CHST3: variants seen among roughly 807,000 people sequenced by gnomAD.
CHST3 encodes C6ST-1.
A neutral mutation model predicts 35.4 loss-of-function variants in CHST3; 20 were observed. The observed-to-expected ratio is 0.57, with a 90% CI of 0.40 to 0.82. The LOEUF (loss-of-function observed/expected upper bound fraction) is 0.82. CHST3 is among the 40% of genes least tolerant of loss of function. The pLI is 0.00. For synonymous variants in CHST3, 334 were observed against 295.9 expected (o/e 1.13, Z -1.32); for missense variants, 693 against 670.1 (o/e 1.03, Z -0.38).
At chr10:71,980,836 A>T (rs1233811032) in intron 1 of CHST3, among the ~76,000 whole-genome samples, 2 of 152,226 alleles carry the variant, frequency 1.3e-5, no homozygotes, top group Non-Finnish European at 2.9e-5. Flanking sequence ...ATACTTGAGG[A>T]TGCTGGTCAG....
chr10:71,991,769 C>G (rs1589503240), intron 1 of CHST3, among the ~76,000 whole-genome samples: 1 of 152,010 alleles, frequency 6.6e-6, no homozygotes, highest in South Asian at 2.1e-4. Context: ...CCCGTCACTA[C>G]TAAATATACA....
Position 72,013,260 on chromosome 10 carries a change from T to TA in CHST3, c.*4790dup, listed in dbSNP as rs1202020256. The TA allele has an allele frequency of 1.3e-5, 2 of 152,300 alleles. No homozygotes were observed. Among genetic ancestry groups the TA allele is most frequent in the African/African-American group, 2.4e-5 (1 of 41,474 alleles). The allele number at this position is 152,300 out of a possible 1,614,324, so 9.4% of individuals were successfully genotyped here. A position where few individuals can be genotyped will look rare whatever the true frequency, so the allele number is the denominator to read the frequency against. ...TGGTACGAGACACCCCTTCACGGCA[T>TA]ACACTGCCATGGTATGTACATATGC... is the stretch of plus-strand genomic sequence containing the variant. On this transcript the variant is annotated 3_prime_UTR_variant, in exon 3 of 3. Coordinates refer to ENST00000373115, the MANE Select transcript of CHST3 (RefSeq NM_004273.5).
intron 1 of CHST3, among the ~76,000 whole-genome samples, chr10:71,974,682 C>T (rs1292902905): frequency 6.6e-6 from 1 of 152,174 alleles, no homozygotes. Flanking sequence ...ATCACTGAGT[C>T]TCACTGTCTG....
At position 72,007,925 on chromosome 10, in the gene CHST3, G is replaced by C. The variant is rs1840061916; in HGVS notation, c.894G>C (p.Gln298His). 6.4e-7 allele frequency: 1 copy of C among 1,554,252 alleles called. No individual in the cohort carries two copies. The highest frequency in any genetic ancestry group is 1.4e-5 in the African/African-American group (1 of 73,276). The change falls in exon 3 of 3, where the codon CAG (glutamine) becomes CAC (histidine). Residue 298 changes from glutamine to histidine, a missense_variant. Physicochemically the swap from Gln to His is conservative, Grantham distance 24. Transcript: ENST00000373115. ...CCCGCCTGGACCTGCGCGTCATCCA[G>C]CTGGTGCGCGACCCCCGGGCCGTGC... ...EDPRLDLRVIQLVRDPRAVLA... is the reference protein window; with the variant it reads ...EDPRLDLRVIHLVRDPRAVLA...
rs1317850424 is a variant in CHST3 at position 71,964,418 on chromosome 10, G to A, written c.-384G>A. 6.6e-6 allele frequency: 1 copy of A among 152,318 alleles called. No homozygotes were observed. Among genetic ancestry groups the A allele is most frequent in the Non-Finnish European group, 1.5e-5 (1 of 68,102 alleles). 9.4% of individuals were successfully genotyped at this position (152,318 alleles called of 1,614,324 possible). A position where few individuals can be genotyped will look rare whatever the true frequency, so the allele number is the denominator to read the frequency against. Reference sequence around the variant, plus strand: ...CCGCTAGCCGGCTCGGGCCTGAGCGGGGAGGGCGCCAGGCAGGACCTCTCG... The same window carrying A: ...CCGCTAGCCGGCTCGGGCCTGAGCGAGGAGGGCGCCAGGCAGGACCTCTCG... On this transcript the variant is annotated 5_prime_UTR_variant, in exon 1 of 3. Transcript: ENST00000373115.
rs1839899482 is a variant in CHST3, at chr10:71,991,847, T to C, written c.-107-13889T>C. Among the ~76,000 whole-genome samples, 3 of 151,874 alleles carry C rather than the reference T, an allele frequency of 2.0e-5. No individual in the cohort carries two copies. The East Asian group carries it at 5.8e-4, about 29-fold the overall frequency. ...TACTCGGGAGGCTGAGGCAGGAGAA[T>C]CGCTGGAACCCGGGCGGCAGAGGTT... On this transcript the variant is annotated intron_variant, in intron 1 of 2. Transcript: ENST00000373115.
chr10:71,977,892 T>A (rs1351636668), intron 1 of CHST3, among the ~76,000 whole-genome samples: 1 of 152,166 alleles, frequency 6.6e-6, no homozygotes, highest in Admixed American at 6.5e-5. Flanking sequence ...CTGATTTTTT[T>A]ATTTTTTTAA....
rs538834465 is a variant in CHST3 at position 71,984,772 on chromosome 10, G to A, written c.-108+20078G>A. On this transcript the variant is annotated intron_variant, in intron 1 of 2. Transcript: ENST00000373115. ...TACATTTATGTACATGAAGTACTTGGAACAATTCCTTGTTCACTGTGTTAA... is the reference window on the plus strand; with the variant it reads ...TACATTTATGTACATGAAGTACTTGAAACAATTCCTTGTTCACTGTGTTAA... Among the ~76,000 whole-genome samples, 23 of 152,292 alleles carry A rather than the reference G, an allele frequency of 1.5e-4. No homozygotes were observed. The South Asian group carries it at 4.8e-3, about 32-fold the overall frequency.
intron 1 of CHST3, among the ~76,000 whole-genome samples, chr10:71,990,898 C>T (rs900705041): frequency 2.6e-5 from 4 of 152,312 alleles, no homozygotes; most frequent in Non-Finnish European, 4.4e-5. Flanking sequence ...TAGGACGGGA[C>T]GGGCTATGCT....
Position 72,007,738 on chromosome 10 carries a change from C to T in CHST3, c.707C>T (p.Pro236Leu). The T allele has an allele frequency of 6.2e-7, 1 of 1,603,400 alleles. No homozygotes were observed. Among genetic ancestry groups the T allele is most frequent in the Non-Finnish European group, 8.5e-7 (1 of 1,179,724 alleles). ...RSLCEDPVCT[P>L]FVKKVFEKYH... ...CTGTGCGAGGACCCCGTCTGTACGC[C>T]CTTCGTCAAGAAGGTCTTCGAGAAG... The change falls in exon 3 of 3, where the codon CCC (proline) becomes CTC (leucine). Residue 236 changes from proline (P) to leucine (L), a missense_variant. By Grantham distance (98) the Pro-to-Leu change is moderately conservative. Transcript: ENST00000373115.
chr10:71,974,876 G>A (rs1839730628), intron 1 of CHST3, among the ~76,000 whole-genome samples: 1 of 152,116 alleles, frequency 6.6e-6, no homozygotes, highest in African/African-American at 2.4e-5. Context: ...TGGGTCCCCT[G>A]CCCCAGCCCT....
chr10:72,008,560 A>G lies in CHST3; in HGVS notation c.*89A>G, dbSNP rs915534658. The G allele has an allele frequency of 4.7e-5, 68 of 1,441,580 alleles. No homozygotes were observed. The African/African-American group carries it at 8.0e-4, about 17-fold the overall frequency. 89.3% of individuals were successfully genotyped at this position (1,441,580 alleles called of 1,614,324 possible). A position where few individuals can be genotyped will look rare whatever the true frequency, so the allele number is the denominator to read the frequency against. ...TCGCAGAGGGCGGGTGCACAGCGCC[A>G]TGAGCGGGCAGCGCCTCCTGTAGCA... On this transcript the variant is annotated 3_prime_UTR_variant, in exon 3 of 3. Coordinates refer to ENST00000373115, the MANE Select transcript of CHST3 (RefSeq NM_004273.5).
At chr10:71,990,259 C>A (rs1839885175) in intron 1 of CHST3, among the ~76,000 whole-genome samples, 1 of 152,138 alleles carries the variant, frequency 6.6e-6, no homozygotes, top group Non-Finnish European at 1.5e-5. Context: ...AAGGAGCCAG[C>A]AGATTTGATT....
At chr10:72,000,744 T>A (rs1169786117) in intron 1 of CHST3, among the ~76,000 whole-genome samples, 1 of 151,768 alleles carries the variant, frequency 6.6e-6, no homozygotes, top group Non-Finnish European at 1.5e-5. Flanking sequence ...GAAGTTTCCA[T>A]GTGGCTGAGA....
intron 1 of CHST3, among the ~76,000 whole-genome samples, chr10:71,994,057 G>A (rs545398336): frequency 6.6e-6 from 1 of 152,036 alleles, no homozygotes; most frequent in East Asian, 1.9e-4. Flanking sequence ...CCGAGATCAC[G>A]CCACTATACT....
chr10:72,005,734 A>G lies in CHST3; in HGVS notation c.-107-2A>G. 1 of 1,387,802 alleles carries G rather than the reference A, an allele frequency of 7.2e-7. No individual in the cohort carries two copies. Among genetic ancestry groups the G allele is most frequent in the Non-Finnish European group, 1.0e-6 (1 of 982,444 alleles). 86.0% of individuals were successfully genotyped at this position (1,387,802 alleles called of 1,614,324 possible). On this transcript the variant is annotated splice_acceptor_variant, in intron 1 of 2. Coordinates refer to ENST00000373115, the MANE Select transcript of CHST3 (RefSeq NM_004273.5). LOFTEE classifies it low-confidence loss of function (5UTR_SPLICE). The stretch of plus-strand genomic sequence containing the variant: ...GTGTTCTGACCACCTGTCTCTCCGC[A>G]GGACAAGGGTGTCCCCCACCTGAAG...
In CHST3 at chr10:72,007,374, G is replaced by A. The variant is rs1840050705; in HGVS notation, c.343G>A (p.Glu115Lys). Residue 115 changes from glutamate (E) to lysine (K), a missense_variant, in exon 3 of 3, where the codon GAA becomes AAA. Coordinates refer to ENST00000373115, the MANE Select transcript of CHST3 (RefSeq NM_004273.5). Reference protein sequence around the residue: ...PAMEAAGEEEEEQRKEEEPPR... With the variant: ...PAMEAAGEEEKEQRKEEEPPR... ...CATGGAGGCCGCAGGGGAGGAAGAGGAAGAGCAGAGAAAGGAGGAGGAGCC... is the reference window on the plus strand; with the variant it reads ...CATGGAGGCCGCAGGGGAGGAAGAGAAAGAGCAGAGAAAGGAGGAGGAGCC... The A allele has an allele frequency of 6.2e-7, 1 of 1,605,594 alleles. No individual in the cohort carries two copies. Among genetic ancestry groups the A allele is most frequent in the Non-Finnish European group, 8.5e-7 (1 of 1,176,696 alleles).
intron 1 of CHST3, among the ~76,000 whole-genome samples, chr10:71,985,209 G>A (rs1839836708): frequency 6.6e-6 from 1 of 152,222 alleles, no homozygotes; most frequent in South Asian, 2.1e-4. Flanking sequence ...CTGAGGTTGC[G>A]CAGAGCTTTT....
Position 72,007,455 on chromosome 10 carries a change from C to A in CHST3, c.424C>A (p.Arg142Ser). 1 of 1,603,124 alleles carries A rather than the reference C, an allele frequency of 6.2e-7. No homozygotes were observed. The highest frequency in any genetic ancestry group is 1.1e-5 in the South Asian group (1 of 90,988). The change falls in exon 3 of 3, where the codon CGC (arginine) becomes AGC (serine). Residue 142 changes from arginine (R) to serine (S), a missense_variant. Physicochemically the swap from Arg to Ser is moderately radical, Grantham distance 110. Transcript: ENST00000373115. ...RRHVLLMATT[R>S]TGSSFVGEFF... The stretch of plus-strand genomic sequence containing the variant: ...CCACGTGCTGCTCATGGCCACCACG[C>A]GCACCGGCTCCTCGTTCGTGGGCGA...
Sources: allele counts gnomAD v4.1 joint callset (sites outside exome capture counted in the v4.1 genomes callset), GRCh38; gene constraint gnomAD v4.1.1; transcripts MANE v1.5; gene names NCBI Gene and HGNC (gene_info 2026-07-23, HGNC 2026-07-21).